MSRA: variants seen among roughly 807,000 people sequenced by gnomAD.
MSRA encodes mitochondrial peptide methionine sulfoxide reductase.
A neutral mutation model predicts 31.3 loss-of-function variants in MSRA; 54 were observed. That is an observed-to-expected ratio of 1.73 (90% CI 1.39 to 2.17). MSRA has a LOEUF of 2.17. MSRA is among the 30% of genes most tolerant of loss of function. The pLI is 0.00. For missense variants in MSRA, 507 were observed against 300.9 expected (o/e 1.69, Z -5.07); for synonymous variants, 169 against 116.5 (o/e 1.45, Z -2.90).
At chr8:10,165,684 C>T (rs1004799355) in intron 1 of MSRA, among the ~76,000 whole-genome samples, 1 of 152,160 alleles carries the variant, frequency 6.6e-6, no homozygotes, top group Non-Finnish European at 1.5e-5. Flanking sequence ...GACACATAGT[C>T]TTGTAAGTGG....
intron 1 of MSRA, among the ~76,000 whole-genome samples, chr8:10,195,900 T>A (rs1807928245): frequency 6.6e-6 from 1 of 152,210 alleles, no homozygotes; most frequent in African/African-American, 2.4e-5. Flanking sequence ...AGCCCTGACC[T>A]TACCCTGCAG....
chr8:10,073,698 G>A (rs535865503), intron 1 of MSRA, among the ~76,000 whole-genome samples: 1 of 152,114 alleles, frequency 6.6e-6, no homozygotes, highest in Admixed American at 6.5e-5. Context: ...AAAGCAGGGA[G>A]GATGGATAGA....
chr8:10,349,497 T>C (rs1380225870), intron 5 of MSRA, among the ~76,000 whole-genome samples: 1 of 152,178 alleles, frequency 6.6e-6, no homozygotes, highest in Non-Finnish European at 1.5e-5. Context: ...GTATTGCTTT[T>C]CTCCTCTGCT....
In MSRA at chr8:10,133,713, T is replaced by G. The variant is rs137990648; in HGVS notation, c.143-74120T>G. ...AGCATGTGGCCTGGCACAGGGGAAG[T>G]GCTCAGGAAATGGTAGTGACTGTTA... is the stretch of plus-strand genomic sequence containing the variant. On this transcript the variant is annotated intron_variant, in intron 1 of 5. Transcript: ENST00000317173. Among the ~76,000 whole-genome samples, 5 of 152,210 alleles carry G rather than the reference T, an allele frequency of 3.3e-5. No homozygotes were observed. The East Asian group carries it at 9.6e-4, about 29-fold the overall frequency.
At chr8:10,134,548 G>A (rs541874346) in intron 1 of MSRA, among the ~76,000 whole-genome samples, 1 of 152,356 alleles carries the variant, frequency 6.6e-6, no homozygotes, top group Admixed American at 6.5e-5. Context: ...CCTGCTGCAG[G>A]ACCCTTCGGC....
chr8:10,277,331 A>C (rs936579583), intron 3 of MSRA, among the ~76,000 whole-genome samples: 2 of 152,214 alleles, frequency 1.3e-5, no homozygotes, highest in Non-Finnish European at 2.9e-5. Context: ...ACACAGCTCT[A>C]GGAGTCAGTA....
intron 1 of MSRA, among the ~76,000 whole-genome samples, chr8:10,072,417 A>G (rs937560788): frequency 6.6e-6 from 1 of 151,440 alleles, no homozygotes; most frequent in Non-Finnish European, 1.5e-5. Flanking sequence ...AGTTGGCCAT[A>G]TTTGTGTGGG....
intron 1 of MSRA, among the ~76,000 whole-genome samples, chr8:10,117,456 T>G (rs1388205140): frequency 6.6e-6 from 1 of 152,206 alleles, no homozygotes; most frequent in Non-Finnish European, 1.5e-5. Flanking sequence ...GCTGGTCTTG[T>G]CCCCATGGAA....
rs752323221 is a variant in MSRA, at chr8:10,054,497, C to T, written c.-20C>T. 2 of 1,562,586 alleles carry T rather than the reference C, an allele frequency of 1.3e-6. No individual in the cohort carries two copies. Among genetic ancestry groups the T allele is most frequent in the African/African-American group, 1.4e-5 (1 of 70,616 alleles). On this transcript the variant is annotated 5_prime_UTR_variant, in exon 1 of 6. Transcript: ENST00000317173. Reference sequence around the variant, plus strand: ...CGGTAGCGCCGTCCCCCGGGACCACCCTTCGGCTGGCGCCCTCCCATGCTC... The same window carrying T: ...CGGTAGCGCCGTCCCCCGGGACCACTCTTCGGCTGGCGCCCTCCCATGCTC...
At chr8:10,078,785 A>G (rs939645747) in intron 1 of MSRA, among the ~76,000 whole-genome samples, 5 of 152,188 alleles carry the variant, frequency 3.3e-5, no homozygotes, top group Admixed American at 6.5e-5. Flanking sequence ...CAACCAGTCT[A>G]TCTCCCTGTT....
chr8:10,203,822 G>A (rs1808715901), intron 1 of MSRA, among the ~76,000 whole-genome samples: 1 of 152,204 alleles, frequency 6.6e-6, no homozygotes, highest in South Asian at 2.1e-4. Context: ...ACAGCTCCAA[G>A]CGTGTTATTG....
chr8:10,363,297 G>A (rs1032773135), intron 5 of MSRA, among the ~76,000 whole-genome samples: 13 of 152,140 alleles, frequency 8.5e-5, no homozygotes, highest in South Asian at 2.1e-4. Flanking sequence ...CATGTCAGGC[G>A]TGCTTTTCCG....
intron 1 of MSRA, among the ~76,000 whole-genome samples, chr8:10,105,184 C>A (rs62488697): frequency 8.6e-5 from 13 of 151,640 alleles, no homozygotes; most frequent in Non-Finnish European, 1.8e-4. Flanking sequence ...ATCGAAGATA[C>A]CTTCTCAATC....
intron 5 of MSRA, among the ~76,000 whole-genome samples, chr8:10,364,755 C>G (rs1001477116): frequency 6.6e-6 from 1 of 152,208 alleles, no homozygotes; most frequent in African/African-American, 2.4e-5. Flanking sequence ...TGCCAGATAT[C>G]ACGTGTACTG....
intron 5 of MSRA, among the ~76,000 whole-genome samples, chr8:10,328,727 A>C (rs911089808): frequency 3.9e-5 from 6 of 152,246 alleles, no homozygotes; most frequent in Non-Finnish European, 7.3e-5. Flanking sequence ...TCTAAGATGT[A>C]GCCTATAATT....
intron 1 of MSRA, among the ~76,000 whole-genome samples, chr8:10,068,278 A>T (rs182953607): frequency 6.6e-6 from 1 of 152,036 alleles, no homozygotes; most frequent in African/African-American, 2.4e-5. Context: ...TTGTCTTCTT[A>T]TCTTCTTGAC....
chr8:10,323,768 G>GTGTGTGTGTGTGTC (rs1563350938), intron 5 of MSRA, among the ~76,000 whole-genome samples: 2 of 151,556 alleles, frequency 1.3e-5, no homozygotes, highest in African/African-American at 4.9e-5. Context: ...GTGTGTGTGT[G>GTGTGTGTGTGTGTC]TGTGTGTCTG....
intron 3 of MSRA, among the ~76,000 whole-genome samples, chr8:10,283,393 G>A (rs1341871263): frequency 1.3e-5 from 2 of 151,944 alleles, no homozygotes; most frequent in Non-Finnish European, 2.9e-5. Context: ...TGTCCAGTTA[G>A]GGTGAACTAT....
chr8:10,351,838 CT>C (rs1199720455), intron 5 of MSRA, among the ~76,000 whole-genome samples: 1 of 152,196 alleles, frequency 6.6e-6, no homozygotes, highest in Non-Finnish European at 1.5e-5. Flanking sequence ...TGAACCCAGA[CT>C]GCTTTTCCTA....
Sources: allele counts gnomAD v4.1 joint callset (sites outside exome capture counted in the v4.1 genomes callset), GRCh38; gene constraint gnomAD v4.1.1; transcripts MANE v1.5; gene names NCBI Gene and HGNC (gene_info 2026-07-23, HGNC 2026-07-21).